The following GABBR2 variants were observed in gnomAD, a reference collection of about 807,000 sequenced individuals.
GABBR2 encodes gamma-aminobutyric acid type B receptor subunit 2, also known as G-protein coupled receptor 51.
Under a neutral mutation model 105.6 loss-of-function variants are expected in GABBR2, and 23 were observed. The ratio of observed to expected loss-of-function variants is 0.22; its 90% confidence interval spans 0.16 to 0.31. GABBR2 has a LOEUF of 0.31. Ranked by LOEUF, GABBR2 falls within the 10% of genes least tolerant of loss-of-function variation. The pLI is 1.00. For synonymous variants in GABBR2, 478 were observed against 499.7 expected, an observed-to-expected ratio of 0.96 and a Z score of 0.58; for missense variants, 734 against 1,245.5, an observed-to-expected ratio of 0.59 and a Z score of 6.18.
intron 6 of GABBR2, among the ~76,000 whole-genome samples, chr9:98,464,606 C>T (rs528748845): frequency 4.6e-5 from 7 of 152,020 alleles, no homozygotes; most frequent in African/African-American, 1.7e-4. Flanking sequence ...GGAAGTGTAC[C>T]CAACAGCTCC....
intron 2 of GABBR2, among the ~76,000 whole-genome samples, chr9:98,566,610 G>A (rs1439495908): frequency 5.9e-5 from 9 of 152,096 alleles, no homozygotes; most frequent in Admixed American, 5.9e-4. Context: ...AGGAGGTGGA[G>A]CTTGTAGTGA....
At chr9:98,389,660 G>C (rs2131497571) in intron 9 of GABBR2, among the ~76,000 whole-genome samples, 1 of 152,354 alleles carries the variant, frequency 6.6e-6, no homozygotes, top group East Asian at 1.9e-4. Context: ...TGTGACTGCA[G>C]AGGTGCGCTG....
chr9:98,611,465 T>TGAATGAAC, intron 1 of GABBR2, among the ~76,000 whole-genome samples: 1 of 151,214 alleles, frequency 6.6e-6, no homozygotes, highest in African/African-American at 2.4e-5. Flanking sequence ...GAGGAATGAA[T>TGAATGAAC]GAATGAATGA....
At chr9:98,425,918 G>A (rs1035807198) in intron 7 of GABBR2, among the ~76,000 whole-genome samples, 1 of 152,210 alleles carries the variant, frequency 6.6e-6, no homozygotes, top group Non-Finnish European at 1.5e-5. Context: ...AGGAGGCAGC[G>A]CTGGAGGATG....
intron 2 of GABBR2, among the ~76,000 whole-genome samples, chr9:98,573,841 T>C (rs1828871239): frequency 3.9e-5 from 6 of 152,230 alleles, no homozygotes; most frequent in Admixed American, 3.9e-4. Flanking sequence ...TAGATCTGTT[T>C]GTGTACTACA....
chr9:98,307,545 C>T (rs746699944), intron 14 of GABBR2, among the ~76,000 whole-genome samples: 1 of 152,140 alleles, frequency 6.6e-6, no homozygotes, highest in Non-Finnish European at 1.5e-5. Context: ...ACACTGAGGA[C>T]CTGTGTTTAG....
At chr9:98,309,283 T>C (rs1261617260) in intron 14 of GABBR2, among the ~76,000 whole-genome samples, 3 of 152,230 alleles carry the variant, frequency 2.0e-5, no homozygotes, top group Non-Finnish European at 4.4e-5. Context: ...GAGAAGACAA[T>C]GAATGATCAA....
chr9:98,674,935 G>A (rs895062050), intron 1 of GABBR2, among the ~76,000 whole-genome samples: 1 of 152,156 alleles, frequency 6.6e-6, no homozygotes, highest in African/African-American at 2.4e-5. Context: ...AGGCTTCAGT[G>A]GCAGGAGTCC....
At chr9:98,631,817 C>T (rs541227175) in intron 1 of GABBR2, among the ~76,000 whole-genome samples, 11 of 152,254 alleles carry the variant, frequency 7.2e-5, no homozygotes, top group South Asian at 6.2e-4. Context: ...GCTTTTAGTC[C>T]AGACTTTAGA....
intron 2 of GABBR2, among the ~76,000 whole-genome samples, chr9:98,574,885 G>A (rs1828885981): frequency 6.6e-6 from 1 of 152,142 alleles, no homozygotes; most frequent in African/African-American, 2.4e-5. Context: ...GATTTCCCTG[G>A]GACCTCAGCC....
In GABBR2 at chr9:98,642,152, G is replaced by T. The variant is rs76464098; in HGVS notation, c.322-64080C>A. On this transcript the variant is annotated intron_variant, in intron 1 of 18. Coordinates refer to ENST00000259455, the MANE Select transcript of GABBR2 (RefSeq NM_005458.8). ...TCAGACCAGAATAATATTAATGAAA[G>T]TTTCATGCCCTGATAAATAGTTCAT... Among the ~76,000 whole-genome samples the T allele has an allele frequency of 8.6e-3, 1,316 of 152,244 alleles. 22 individuals carry two copies. The highest frequency in any genetic ancestry group is 0.03 in the African/African-American group (1,238 of 41,528).
intron 1 of GABBR2, among the ~76,000 whole-genome samples, chr9:98,646,412 A>C (rs960526648): frequency 1.3e-5 from 2 of 152,014 alleles, no homozygotes; most frequent in Non-Finnish European, 2.9e-5. Context: ...ATGTGACTCC[A>C]CCGGGAGAGG....
chr9:98,571,242 G>A (rs1001815842), intron 2 of GABBR2, among the ~76,000 whole-genome samples: 15 of 152,166 alleles, frequency 9.9e-5, no homozygotes, highest in African/African-American at 3.6e-4. Flanking sequence ...GAGGTGGGCT[G>A]GGAAAACGGC....
intron 3 of GABBR2, among the ~76,000 whole-genome samples, chr9:98,532,002 T>G (rs1233384337): frequency 6.6e-6 from 1 of 152,222 alleles, no homozygotes; most frequent in Non-Finnish European, 1.5e-5. Flanking sequence ...CATTAATTAG[T>G]ATTTTCAATT....
chr9:98,356,276 C>T (rs1831481961), intron 13 of GABBR2, among the ~76,000 whole-genome samples: 1 of 152,134 alleles, frequency 6.6e-6, no homozygotes, highest in Admixed American at 6.5e-5. Flanking sequence ...TTATGAAACA[C>T]ATATCTAATA....
At chr9:98,636,239 G>GA (rs1179719840) in intron 1 of GABBR2, among the ~76,000 whole-genome samples, 1 of 152,108 alleles carries the variant, frequency 6.6e-6, no homozygotes, top group Non-Finnish European at 1.5e-5. Flanking sequence ...GAAAGGCCAA[G>GA]AATTTTCAAA....
At chr9:98,660,997 C>T (rs985709880) in intron 1 of GABBR2, among the ~76,000 whole-genome samples, 2 of 152,178 alleles carry the variant, frequency 1.3e-5, no homozygotes, top group South Asian at 2.1e-4. Flanking sequence ...CCTCCTCCTC[C>T]TGGGTTCAAG....
At position 98,461,878 on chromosome 9, in the gene GABBR2, G is replaced by A. The variant is rs182319434; in HGVS notation, c.1000-7661C>T. 9.8e-4 allele frequency among the ~76,000 whole-genome samples: 150 copies of A among 152,306 alleles called. 1 individual carries two copies. The highest frequency in any genetic ancestry group is 1.8e-4 in the Non-Finnish European group (12 of 68,032). On this transcript the variant is annotated intron_variant, in intron 6 of 18. Transcript: ENST00000259455. The stretch of plus-strand genomic sequence containing the variant: ...AATGGAGCAAGAGAGCAAGGGGGAA[G>A]GTGTCACACACCTTAAACAGCCAGA...
chr9:98,434,768 T>C lies in GABBR2; in HGVS notation c.1236+19213A>G, dbSNP rs187272690. ...GAACAAAGATCTGGCAATAAGATGG[T>C]GACAGCCTCCACAAGTGGCTGCGGG... is the stretch of plus-strand genomic sequence containing the variant. On this transcript the variant is annotated intron_variant, in intron 7 of 18. Transcript: ENST00000259455. Among the ~76,000 whole-genome samples, 3 of 152,234 alleles carry C rather than the reference T, an allele frequency of 2.0e-5. No individual in the cohort carries two copies. The East Asian group carries it at 5.8e-4, about 29-fold the overall frequency.
Sources: gnomAD v4.1 joint callset for allele counts (sites outside exome capture counted in the v4.1 genomes callset) on GRCh38, gnomAD v4.1.1 for gene constraint, MANE v1.5 for transcripts, NCBI Gene and HGNC (gene_info 2026-07-23, HGNC 2026-07-21) for gene names.